Variants in NCOA3 observed in about 807,000 individuals in gnomAD.
NCOA3 encodes the protein CBP-interacting protein.
Under a neutral mutation model 158.8 loss-of-function variants are expected in NCOA3, and 51 were observed. The observed-to-expected ratio is 0.32, with a 90% CI of 0.26 to 0.41. The LOEUF is 0.41. NCOA3 is among the 10% of genes least tolerant of loss of function. NCOA3 has a pLI of 1.00. For missense variants in NCOA3, 1,510 were observed against 1,746.6 expected (o/e 0.86, Z 2.41); for synonymous variants, 537 against 592.4 (o/e 0.91, Z 1.36).
intron 1 of NCOA3, among the ~76,000 whole-genome samples, chr20:47,545,546 T>C (rs1177628307): frequency 1.3e-5 from 2 of 152,106 alleles, no homozygotes; most frequent in African/African-American, 2.4e-5. Context: ...CTTTTCAATA[T>C]GTATTAATAG....
At chr20:47,635,850 T>C (rs765846757) in intron 11 of NCOA3, 41 bp from the exon 12 acceptor site, 1 of 1,550,620 alleles carries the variant, frequency 6.4e-7, no homozygotes, top group Non-Finnish European at 8.7e-7. Flanking sequence ...TTACAGTGTC[T>C]GGTAGTCTAA....
chr20:47,535,694 G>C (rs935569971), intron 1 of NCOA3, among the ~76,000 whole-genome samples: 22 of 152,036 alleles, frequency 1.4e-4, no homozygotes, highest in African/African-American at 4.8e-4. Flanking sequence ...TTTTAATAGA[G>C]ATGAGGTTTC....
intron 1 of NCOA3, among the ~76,000 whole-genome samples, chr20:47,582,705 G>T (rs568377827): frequency 2.0e-5 from 3 of 152,106 alleles, no homozygotes; most frequent in Non-Finnish European, 2.9e-5. Flanking sequence ...TGATTATATG[G>T]TACAATAAGA....
At position 47,636,664 on chromosome 20, in the gene NCOA3, G is replaced by C. The variant is rs2086521672; in HGVS notation, c.2278G>C (p.Glu760Gln). ...CTCTAAAGAACTACAGCCCCAAGTG[G>C]AAGGAGTGGATAATAAAATGAGTCA... ...ALSKELQPQVEGVDNKMSQCT... is the reference protein window; with the variant it reads ...ALSKELQPQVQGVDNKMSQCT... Residue 760 changes from glutamate (E) to glutamine (Q), a missense_variant, in exon 12 of 23, where the codon GAA (glutamate) becomes CAA (glutamine). Transcript: ENST00000371998. 1 of 1,614,148 alleles carries C rather than the reference G, an allele frequency of 6.2e-7. No individual in the cohort carries two copies. Among genetic ancestry groups the C allele is most frequent in the Non-Finnish European group, 8.5e-7 (1 of 1,180,002 alleles).
At chr20:47,520,084 A>C (rs956047029) in intron 1 of NCOA3, among the ~76,000 whole-genome samples, 1 of 151,136 alleles carries the variant, frequency 6.6e-6, no homozygotes, top group African/African-American at 2.4e-5. Flanking sequence ...AAAAAAAAAA[A>C]AAAAAAGGAA....
chr20:47,598,334 T>TTTTTA (rs1457456176), intron 2 of NCOA3, among the ~76,000 whole-genome samples: 1 of 151,726 alleles, frequency 6.6e-6, no homozygotes, highest in Non-Finnish European at 1.5e-5. Context: ...ATCAAACCTG[T>TTTTTA]TTTTATTTTA....
intron 1 of NCOA3, among the ~76,000 whole-genome samples, chr20:47,513,036 T>A (rs1360378811): frequency 6.6e-6 from 1 of 151,978 alleles, no homozygotes; most frequent in East Asian, 1.9e-4. Context: ...TGTGTGCCTG[T>A]AACCCCAGCT....
intron 1 of NCOA3, among the ~76,000 whole-genome samples, chr20:47,514,373 C>A (rs988202390): frequency 6.6e-6 from 1 of 151,966 alleles, no homozygotes; most frequent in Non-Finnish European, 1.5e-5. Flanking sequence ...GTATAAATTT[C>A]AAAAATAAAC....
chr20:47,643,071 C>G (rs378890), intron 17 of NCOA3, among the ~76,000 whole-genome samples: 5 of 152,238 alleles, frequency 3.3e-5, no homozygotes. Flanking sequence ...CCACCACGCC[C>G]GGGTAATTTC....
In NCOA3 at chr20:47,647,358, G is replaced by A; in HGVS notation, c.3538G>A (p.Gly1180Ser). The A allele has an allele frequency of 6.2e-7, 1 of 1,613,618 alleles. No individual in the cohort carries two copies. Among genetic ancestry groups the A allele is most frequent in the Non-Finnish European group, 8.5e-7 (1 of 1,179,660 alleles). The stretch of plus-strand genomic sequence containing the variant: ...AATGCAGCTTCAGCAGAGGCTGCAG[G>A]GCCAGCAGGTAACCAGTCATGTGTT... ...LRMQLQQRLQGQQFLNQSRQA... is the reference protein window; with the variant it reads ...LRMQLQQRLQSQQFLNQSRQA... Residue 1180 changes from glycine to serine, a missense_variant, in exon 18 of 23, where the codon GGC becomes AGC. Gly to Ser is a moderately conservative substitution (Grantham distance 56). This residue lies in a region of NCOA3 where 1,017 missense variants were observed against 1,098.3 expected (regional missense o/e 0.93). Transcript: ENST00000371998.
rs1431706949 is a variant in NCOA3 at position 47,656,043 on chromosome 20, T to C, written c.*2626T>C. ...TCTCCTCACACCCCAGCACCCCCCA[T>C]TTTTTCAAACCTTGGTATCTGTTGG... On this transcript the variant is annotated 3_prime_UTR_variant, in exon 23 of 23. Coordinates refer to ENST00000371998, the MANE Select transcript of NCOA3 (RefSeq NM_181659.3). 6.6e-6 allele frequency: 1 copy of C among 151,866 alleles called. No individual in the cohort carries two copies. Among genetic ancestry groups the C allele is most frequent in the Non-Finnish European group, 1.5e-5 (1 of 67,912 alleles). 9.4% of individuals were successfully genotyped at this position (151,866 alleles called of 1,614,324 possible). A position where few individuals can be genotyped will look rare whatever the true frequency, so the allele number is the denominator to read the frequency against.
At position 47,518,200 on chromosome 20, in the gene NCOA3, G is replaced by T. The variant is rs1048280855; in HGVS notation, c.-99+16181G>T. On this transcript the variant is annotated intron_variant, in intron 1 of 22. Coordinates refer to ENST00000371998, the MANE Select transcript of NCOA3 (RefSeq NM_181659.3). The stretch of plus-strand genomic sequence containing the variant: ...CGTCTCTGCCAAAAAAAAAAAATTA[G>T]CTGGGCATGGTGGTGCGCACCTGTA... 3.3e-5 allele frequency among the ~76,000 whole-genome samples: 5 copies of T among 151,758 alleles called. No individual in the cohort carries two copies. The South Asian group carries it at 8.3e-4, about 25-fold the overall frequency.
chr20:47,561,593 A>G (rs926024447), intron 1 of NCOA3, among the ~76,000 whole-genome samples: 2 of 151,924 alleles, frequency 1.3e-5, no homozygotes. Context: ...TGCTGGGATT[A>G]CAGGCATGAG....
At chr20:47,555,845 T>C (rs572738870) in intron 1 of NCOA3, among the ~76,000 whole-genome samples, 2 of 150,734 alleles carry the variant, frequency 1.3e-5, no homozygotes, top group East Asian at 3.9e-4. Context: ...GGTTTCACCA[T>C]GTTAGCCAGG....
At chr20:47,553,685 G>A (rs1162523527) in intron 1 of NCOA3, among the ~76,000 whole-genome samples, 2 of 151,794 alleles carry the variant, frequency 1.3e-5, no homozygotes, top group Admixed American at 1.3e-4. Context: ...TGTTGAGAAT[G>A]ATGGTTTCCA....
chr20:47,633,153 A>G (rs777954347), intron 8 of NCOA3, among the ~76,000 whole-genome samples: 1 of 152,210 alleles, frequency 6.6e-6, no homozygotes, highest in Non-Finnish European at 1.5e-5. Context: ...AAGTCTCCTC[A>G]TCAGCATAAA....
chr20:47,625,512 G>A (rs1177018170), intron 5 of NCOA3, 31 bp downstream of exon 5: 1 of 1,389,476 alleles, frequency 7.2e-7, no homozygotes. Context: ...TGTCCAGTAG[G>A]CTGTATTGCC....
chr20:47,504,743 G>A (rs1012685853), intron 1 of NCOA3, among the ~76,000 whole-genome samples: 8 of 151,096 alleles, frequency 5.3e-5, no homozygotes, highest in Admixed American at 1.3e-4. Flanking sequence ...GGCGGAGGTT[G>A]CAGTGAGCCG....
chr20:47,552,968 C>T (rs948659191), intron 1 of NCOA3, among the ~76,000 whole-genome samples: 20 of 148,798 alleles, frequency 1.3e-4, no homozygotes, highest in South Asian at 4.2e-4. Flanking sequence ...TTTGCTCTGT[C>T]ACCCAGGCTG....
Sources: allele counts gnomAD v4.1 joint callset (sites outside exome capture counted in the v4.1 genomes callset), GRCh38; gene constraint gnomAD v4.1.1; regional missense constraint gnomAD v4.1.1; transcripts MANE v1.5; gene names NCBI Gene and HGNC (gene_info 2026-07-23, HGNC 2026-07-21).